CRKL: variants seen among roughly 807,000 people sequenced by gnomAD.
CRKL encodes CRK like proto-oncogene, adaptor protein, also known as crk-like protein.
Under a neutral mutation model 23.0 loss-of-function variants are expected in CRKL, and 3 were observed. The ratio of observed to expected loss-of-function variants is 0.13; its 90% confidence interval spans 0.06 to 0.34. The LOEUF (loss-of-function observed/expected upper bound fraction) is 0.34. CRKL is among the 10% of genes least tolerant of loss of function. The pLI is 1.00. For missense variants in CRKL, 256 were observed against 394.5 expected (o/e 0.65, Z 2.97); for synonymous variants, 188 against 160.7 (o/e 1.17, Z -1.28).
chr22:20,917,874 C>G lies in CRKL; in HGVS notation c.-61C>G. 6.6e-7 allele frequency: 1 copy of G among 1,520,312 alleles called. No individual in the cohort carries two copies. Among genetic ancestry groups the G allele is most frequent in the African/African-American group, 1.4e-5 (1 of 72,716 alleles). 94.2% of individuals were successfully genotyped at this position (1,520,312 alleles called of 1,614,324 possible). On this transcript the variant is annotated 5_prime_UTR_variant, in exon 1 of 3. Coordinates refer to ENST00000354336, the MANE Select transcript of CRKL (RefSeq NM_005207.4). ...CCCAAAGCCGTCTGCCGGGCTAAGG[C>G]GTGCAGAGCAGGCGAGGACAGCCGC... is the stretch of plus-strand genomic sequence containing the variant.
At chr22:20,934,397 A>T (rs1228645407) in intron 2 of CRKL, among the ~76,000 whole-genome samples, 153 bp downstream of exon 2, 1 of 152,164 alleles carries the variant, frequency 6.6e-6, no homozygotes, top group African/African-American at 2.4e-5. Flanking sequence ...TCATTTTAAA[A>T]TTTTTTTATA....
intron 1 of CRKL, among the ~76,000 whole-genome samples, chr22:20,929,482 G>C (rs1921358931): frequency 6.6e-6 from 1 of 150,738 alleles, no homozygotes; most frequent in South Asian, 2.1e-4. Context: ...TTAATTTTTT[G>C]AGACGGAATC....
chr22:20,924,649 G>T (rs888890221), intron 1 of CRKL, among the ~76,000 whole-genome samples: 2 of 151,096 alleles, frequency 1.3e-5, no homozygotes, highest in African/African-American at 4.9e-5. Context: ...GAGTGCAGGA[G>T]TTTGAGACCA....
chr22:20,933,710 T>A, intron 1 of CRKL, 69 bp from the exon 2 acceptor site: 2 of 1,257,908 alleles, frequency 1.6e-6, no homozygotes, highest in Non-Finnish European at 2.2e-6. Context: ...AGTGGTATAT[T>A]AAGAAGTTTG....
At chr22:20,939,575 A>G (rs1248269427) in intron 2 of CRKL, among the ~76,000 whole-genome samples, 4 of 151,542 alleles carry the variant, frequency 2.6e-5, no homozygotes, top group African/African-American at 9.7e-5. Context: ...GGTCTGTCTC[A>G]TGTTGTATGG....
chr22:20,938,277 G>T (rs1921737162), intron 2 of CRKL, among the ~76,000 whole-genome samples: 2 of 152,190 alleles, frequency 1.3e-5, no homozygotes, highest in African/African-American at 4.8e-5. Flanking sequence ...TTTCAAAAGA[G>T]GATTCCTGTA....
At chr22:20,945,043 G>T (rs1922009045) in intron 2 of CRKL, among the ~76,000 whole-genome samples, 1 of 151,488 alleles carries the variant, frequency 6.6e-6, no homozygotes, top group Admixed American at 6.6e-5. Flanking sequence ...ACCCGGGCTG[G>T]AGTGCAGTGG....
intron 2 of CRKL, among the ~76,000 whole-genome samples, chr22:20,944,139 C>CTTTTT (rs57177824): frequency 1.9e-5 from 2 of 105,856 alleles, no homozygotes; most frequent in African/African-American, 7.4e-5. Context: ...GTAGTATTAG[C>CTTTTT]TTTTTTTTTT....
In CRKL at chr22:20,941,588, A is replaced by ATTTTTTTTTT. The variant is rs1198699701; in HGVS notation, c.777+7359_777+7368dup. 1.4e-3 allele frequency among the ~76,000 whole-genome samples: 46 copies of ATTTTTTTTTT among 33,540 alleles called. 6 individuals carry two copies. The highest frequency in any genetic ancestry group is 8.3e-3 in the East Asian group (5 of 604). 22.0% of individuals were successfully genotyped at this position (33,540 alleles called of 152,430 possible). On this transcript the variant is annotated intron_variant, in intron 2 of 2. Coordinates refer to ENST00000354336, the MANE Select transcript of CRKL (RefSeq NM_005207.4). ...TGTGTGTGTGTGTGTGTATATATAT[A>ATTTTTTTTTT]TTTTTTTTTTTTTTTTTTTTTTTTG...
Position 20,952,161 on chromosome 22 carries a change from C to G in CRKL, c.*2316C>G. ...TTCAAGGAGGGCACGACCCTTAGGC[C>G]TTTTTCAACCAGATTTAGCTGAAGG... On this transcript the variant is annotated 3_prime_UTR_variant, in exon 3 of 3. Transcript: ENST00000354336. The G allele has an allele frequency of 8.7e-6, 2 of 229,152 alleles. No individual in the cohort carries two copies. The highest frequency in any genetic ancestry group is 1.7e-5 in the Non-Finnish European group (2 of 115,580). 14.2% of individuals were successfully genotyped at this position (229,152 alleles called of 1,614,324 possible).
At chr22:20,948,242 C>T (rs1368572218) in intron 2 of CRKL, among the ~76,000 whole-genome samples, 2 of 152,130 alleles carry the variant, frequency 1.3e-5, no homozygotes, top group African/African-American at 4.8e-5. Context: ...CTTTAATCTT[C>T]CCGTAGTCTT....
rs554009915 is a variant in CRKL, at chr22:20,951,329, G to T, written c.*1484G>T. On this transcript the variant is annotated 3_prime_UTR_variant, in exon 3 of 3. Transcript: ENST00000354336. ...GCTCTGGAAATTCGTTAATGTATTT[G>T]ATGTCTTAGTGTTTTAGTGACTAGG... 7 of 231,898 alleles carry T rather than the reference G, an allele frequency of 3.0e-5. No homozygotes were observed. Among genetic ancestry groups the T allele is most frequent in the African/African-American group, 1.5e-4 (7 of 45,370 alleles). 14.4% of individuals were successfully genotyped at this position (231,898 alleles called of 1,614,324 possible).
Position 20,952,554 on chromosome 22 carries a change from C to G in CRKL, c.*2709C>G, listed in dbSNP as rs1361740329. 4.3e-6 allele frequency: 1 copy of G among 232,324 alleles called. No homozygotes were observed. Among genetic ancestry groups the G allele is most frequent in the Non-Finnish European group, 8.5e-6 (1 of 117,366 alleles). 14.4% of individuals were successfully genotyped at this position (232,324 alleles called of 1,614,324 possible). A position where few individuals can be genotyped will look rare whatever the true frequency, so the allele number is the denominator to read the frequency against. ...TTTCACACTAAACATATGAATGCAG[C>G]ACTGCTGCCTCAGCTCAGCTTCGTG... On this transcript the variant is annotated 3_prime_UTR_variant, in exon 3 of 3. Transcript: ENST00000354336.
In CRKL at chr22:20,951,219, G is replaced by C. The variant is rs1488171315; in HGVS notation, c.*1374G>C. The C allele has an allele frequency of 4.3e-6, 1 of 232,470 alleles. No individual in the cohort carries two copies. Among genetic ancestry groups the C allele is most frequent in the Non-Finnish European group, 8.5e-6 (1 of 117,670 alleles). The allele number at this position is 232,470 out of a possible 1,614,324, so 14.4% of individuals were successfully genotyped here. On this transcript the variant is annotated 3_prime_UTR_variant, in exon 3 of 3. Transcript: ENST00000354336. ...TCCGTGCCCAGGCCCAATCTCGTCA[G>C]GCTGCCAGAGAAAGTTGGTGCTGCT...
chr22:20,953,010 C>G lies in CRKL; in HGVS notation c.*3165C>G, dbSNP rs768597627. The G allele has an allele frequency of 4.3e-6, 1 of 232,146 alleles. No individual in the cohort carries two copies. Among genetic ancestry groups the G allele is most frequent in the Non-Finnish European group, 8.5e-6 (1 of 117,130 alleles). The allele number at this position is 232,146 out of a possible 1,614,324, so 14.4% of individuals were successfully genotyped here. On this transcript the variant is annotated 3_prime_UTR_variant, in exon 3 of 3. Coordinates refer to ENST00000354336, the MANE Select transcript of CRKL (RefSeq NM_005207.4). Reference sequence around the variant, plus strand: ...TGTCCCTGGCGCTGTGCTAGCTTTCCTTTACAGCTGTTTACAGACAAGGCA... The same window carrying G: ...TGTCCCTGGCGCTGTGCTAGCTTTCGTTTACAGCTGTTTACAGACAAGGCA...
Position 20,939,422 on chromosome 22 carries a change from T to C in CRKL, c.777+5178T>C, listed in dbSNP as rs1224757003. 3.3e-5 allele frequency among the ~76,000 whole-genome samples: 5 copies of C among 151,446 alleles called. No individual in the cohort carries two copies. The East Asian group carries it at 9.7e-4, about 29-fold the overall frequency. On this transcript the variant is annotated intron_variant, in intron 2 of 2. Coordinates refer to ENST00000354336, the MANE Select transcript of CRKL (RefSeq NM_005207.4). The stretch of plus-strand genomic sequence containing the variant: ...CGCCCGGCTAATTTTTTTTTTTGTA[T>C]TTTTTAGTAGAGACGGGGCTTCACC...
rs1260441960 is a variant in CRKL, at chr22:20,933,771, CTCTT to C, written c.312-7_312-4del. On this transcript the variant is annotated splice_polypyrimidine_tract_variant and splice_region_variant and intron_variant, in intron 1 of 2. Transcript: ENST00000354336. ...TTTCTCTTAGAGTAATTTTCTTTCT[CTCTT>C]AAGGTATCCAAGCCCACCAATGGGA... 6.2e-7 allele frequency: 1 copy of C among 1,605,930 alleles called. No homozygotes were observed. Among genetic ancestry groups the C allele is most frequent in the Non-Finnish European group, 8.5e-7 (1 of 1,175,032 alleles).
chr22:20,943,926 C>G (rs1272910718), intron 2 of CRKL, among the ~76,000 whole-genome samples: 1 of 152,122 alleles, frequency 6.6e-6, no homozygotes, highest in Non-Finnish European at 1.5e-5. Context: ...CAGCACCACA[C>G]TGTTGATTAC....
At position 20,918,075 on chromosome 22, in the gene CRKL, C is replaced by T. The variant is rs781108245; in HGVS notation, c.141C>T (p.Asp47=). The part of the protein sequence containing the change: ...LVRDSSTCPG[D]YVLSVSENSR... ...GCGATTCTTCCACCTGCCCTGGGGACTATGTGCTGTCGGTGTCCGAGAACT... is the reference window on the plus strand; with the variant it reads ...GCGATTCTTCCACCTGCCCTGGGGATTATGTGCTGTCGGTGTCCGAGAACT... The change falls in exon 1 of 3, where the codon GAC becomes GAT. Residue 47 remains aspartate, a synonymous_variant. Coordinates refer to ENST00000354336, the MANE Select transcript of CRKL (RefSeq NM_005207.4). 35 of 1,614,264 alleles carry T rather than the reference C, an allele frequency of 2.2e-5. No individual in the cohort carries two copies. Among genetic ancestry groups the T allele is most frequent in the Non-Finnish European group, 2.8e-5 (33 of 1,180,048 alleles).
Sources: gnomAD v4.1 joint callset for allele counts (sites outside exome capture counted in the v4.1 genomes callset) on GRCh38, gnomAD v4.1.1 for gene constraint, MANE v1.5 for transcripts, NCBI Gene and HGNC (gene_info 2026-07-23, HGNC 2026-07-21) for gene names.